DOCK3: variants seen among roughly 807,000 people sequenced by gnomAD.
DOCK3 encodes the protein dedicator of cytokinesis protein 3.
DOCK3 carries 60 observed loss-of-function variants against 265.6 expected under a neutral mutation model. The ratio of observed to expected loss-of-function variants is 0.23; its 90% CI spans 0.18 to 0.28. DOCK3 has a LOEUF of 0.28. Ranked by LOEUF, DOCK3 falls within the 10% of genes least tolerant of loss-of-function variation. The probability of loss-of-function intolerance (pLI) is 1.00; values close to 1 mark genes in which losing one functional copy is unlikely to be tolerated. For missense variants in DOCK3, 1,981 were observed against 2,594.3 expected, an observed-to-expected ratio of 0.76 and a Z score of 5.14; for synonymous variants, 881 against 938.0, an observed-to-expected ratio of 0.94 and a Z score of 1.11.
chr3:50,954,750 A>G (rs890970867), intron 5 of DOCK3, among the ~76,000 whole-genome samples: 1 of 152,086 alleles, frequency 6.6e-6, no homozygotes, highest in Non-Finnish European at 1.5e-5. Flanking sequence ...TAGTTTGCAG[A>G]TATTTTCTCC....
intron 2 of DOCK3, among the ~76,000 whole-genome samples, chr3:50,793,870 T>G (rs919410739): frequency 5.9e-5 from 9 of 152,190 alleles, no homozygotes; most frequent in African/African-American, 2.2e-4. Context: ...AGGCATTTAG[T>G]GCTATATATT....
intron 5 of DOCK3, among the ~76,000 whole-genome samples, chr3:51,056,820 G>A (rs966791666): frequency 3.3e-5 from 5 of 152,108 alleles, no homozygotes; most frequent in Non-Finnish European, 7.4e-5. Context: ...TATTCAAAAA[G>A]AAAATGTAAA....
intron 5 of DOCK3, among the ~76,000 whole-genome samples, chr3:50,988,490 G>A (rs540958391): frequency 1.3e-5 from 2 of 152,182 alleles, no homozygotes; most frequent in African/African-American, 4.8e-5. Flanking sequence ...CCGAAGCGAC[G>A]GGGCCAAAGT....
Position 51,381,414 on chromosome 3 carries a change from C to T in DOCK3, c.5948C>T (p.Pro1983Leu), listed in dbSNP as rs782538926. Residue 1983 changes from proline to leucine, a missense_variant, in exon 53 of 53, where the codon CCG becomes CTG. Transcript: ENST00000266037. This position sits in a 1 kb window ranked among gnomAD's most constrained non-coding sequence, Gnocchi z 5.6. ...CCCAAGCCCTACCACCCCCGCCTGC[C>T]GGCCCTGGAGCACGATGAGGGGGTG... ...LPPKPYHPRL[P>L]ALEHDEGVLL... is the part of the protein sequence containing the mutation. 4.3e-5 allele frequency: 69 copies of T among 1,612,098 alleles called. No homozygotes were observed. The highest frequency in any genetic ancestry group is 3.5e-4 in the Admixed American group (21 of 59,894).
chr3:50,710,724 C>A (rs1374213517), intron 1 of DOCK3, among the ~76,000 whole-genome samples: 2 of 152,178 alleles, frequency 1.3e-5, no homozygotes, highest in Admixed American at 6.5e-5. Flanking sequence ...TATAGCAGCA[C>A]AATTTGCAAT....
chr3:51,135,385 T>TG (rs1385249842), intron 9 of DOCK3, among the ~76,000 whole-genome samples: 1 of 152,232 alleles, frequency 6.6e-6, no homozygotes, highest in East Asian at 1.9e-4. Flanking sequence ...GCAGCCCAGA[T>TG]GCTCAGTCTA....
intron 37 of DOCK3, among the ~76,000 whole-genome samples, chr3:51,340,404 A>G (rs1004938889): frequency 5.9e-5 from 9 of 152,222 alleles, no homozygotes; most frequent in African/African-American, 1.7e-4. Context: ...AGGAAGTTCC[A>G]GTGGCAAGGG....
At chr3:51,199,797 CTG>C (rs1484186646) in intron 12 of DOCK3, among the ~76,000 whole-genome samples, 1 of 152,212 alleles carries the variant, frequency 6.6e-6, no homozygotes, top group Non-Finnish European at 1.5e-5. Flanking sequence ...TAGGGGCAGA[CTG>C]ACACCTCACA....
At chr3:51,226,314 A>G (rs1341119189) in intron 15 of DOCK3, among the ~76,000 whole-genome samples, 2 of 152,188 alleles carry the variant, frequency 1.3e-5, no homozygotes, top group African/African-American at 4.8e-5. Context: ...TTTCTGTTGC[A>G]TGTGAGTTTT....
chr3:51,004,413 A>T (rs1173718184), intron 5 of DOCK3, among the ~76,000 whole-genome samples: 1 of 152,164 alleles, frequency 6.6e-6, no homozygotes, highest in Non-Finnish European at 1.5e-5. Context: ...CAGATTCCTG[A>T]TCCATAAAAA....
intron 5 of DOCK3, among the ~76,000 whole-genome samples, chr3:50,984,148 G>T (rs1273491093): frequency 6.6e-6 from 1 of 152,126 alleles, no homozygotes; most frequent in Non-Finnish European, 1.5e-5. Flanking sequence ...AGTTGCATGA[G>T]CCAAGCGCAG....
At position 51,350,340 on chromosome 3, in the gene DOCK3, C is replaced by G. The variant is rs1259507224; in HGVS notation, c.4055C>G (p.Pro1352Arg). 6.2e-7 allele frequency: 1 copy of G among 1,611,902 alleles called. No homozygotes were observed. The highest frequency in any genetic ancestry group is 1.7e-5 in the Admixed American group (1 of 59,428). Reference protein sequence around the residue: ...DNIMEQQRLEPEFFRVGFYGR... With the variant: ...DNIMEQQRLEREFFRVGFYGR... ...ATTATGGAGCAGCAACGCCTGGAGCCTGAGTTCTTTCGGGTCGGCTTCTAT... is the reference window on the plus strand; with the variant it reads ...ATTATGGAGCAGCAACGCCTGGAGCGTGAGTTCTTTCGGGTCGGCTTCTAT... The change falls in exon 40 of 53, where the codon CCT becomes CGT. Residue 1352 changes from proline (P) to arginine (R), a missense_variant. Physicochemically the swap from Pro to Arg is moderately radical, Grantham distance 103 (BLOSUM62 -2). This residue lies in a region of DOCK3 where 1,357 missense variants were observed against 1,866.8 expected (regional missense o/e 0.73). Coordinates refer to ENST00000266037, the MANE Select transcript of DOCK3 (RefSeq NM_004947.5).
At chr3:50,713,984 T>G (rs920033731) in intron 1 of DOCK3, among the ~76,000 whole-genome samples, 2 of 152,084 alleles carry the variant, frequency 1.3e-5, no homozygotes, top group African/African-American at 4.8e-5. Context: ...TTATTTTTAT[T>G]TATTTATTTT....
intron 1 of DOCK3, among the ~76,000 whole-genome samples, chr3:50,725,372 T>A (rs1481779012): frequency 1.3e-5 from 2 of 152,178 alleles, no homozygotes; most frequent in African/African-American, 4.8e-5. Flanking sequence ...GCACTGTTCC[T>A]AAACAGTTAG....
chr3:51,077,930 A>T (rs574339985), intron 7 of DOCK3, among the ~76,000 whole-genome samples: 28 of 152,318 alleles, frequency 1.8e-4, no homozygotes, highest in African/African-American at 6.0e-4. Context: ...GCCATACAGC[A>T]CTTCCAGACA....
chr3:51,086,351 G>A (rs957456592), intron 7 of DOCK3, among the ~76,000 whole-genome samples: 3 of 152,160 alleles, frequency 2.0e-5, no homozygotes, highest in African/African-American at 7.2e-5. Flanking sequence ...TTCCAGTGTG[G>A]GCATCATGGC....
intron 27 of DOCK3, among the ~76,000 whole-genome samples, chr3:51,294,628 A>G (rs1304586222): frequency 6.7e-6 from 1 of 149,268 alleles, no homozygotes; most frequent in African/African-American, 2.5e-5. Context: ...CAGTGAGCCA[A>G]GATCGCGCCA....
rs1193444604 is a variant in DOCK3 at position 50,773,372 on chromosome 3, A to G, written c.38-5303A>G. On this transcript the variant is annotated intron_variant, in intron 1 of 52. Transcript: ENST00000266037. ...GAAGCACTTCATGACATTGATCTAT[A>G]TTAATTTAAAAAAAATCATTTGAAA... Among the ~76,000 whole-genome samples, 7 of 152,046 alleles carry G rather than the reference A, an allele frequency of 4.6e-5. No homozygotes were observed. In the South Asian group the frequency reaches 1.5e-3, roughly 32 times the overall value.
intron 9 of DOCK3, among the ~76,000 whole-genome samples, chr3:51,136,109 T>C (rs2084781918): frequency 6.6e-6 from 1 of 152,170 alleles, no homozygotes; most frequent in Non-Finnish European, 1.5e-5. Context: ...TGGAATACCT[T>C]TTTCTTCATC....
Sources: gnomAD v4.1 joint callset for allele counts (sites outside exome capture counted in the v4.1 genomes callset) on GRCh38, gnomAD v4.1.1 for gene constraint, gnomAD v4.1.1 regional missense constraint, Gnocchi (gnomAD v3.1) non-coding constraint, MANE v1.5 for transcripts, NCBI Gene and HGNC (gene_info 2026-07-23, HGNC 2026-07-21) for gene names.